Variants in RNLS observed in about 807,000 individuals in gnomAD.
RNLS encodes renalase.
RNLS carries 39 observed loss-of-function variants against 39.8 expected under a neutral mutation model. The observed-to-expected ratio is 0.98, with a 90% CI of 0.76 to 1.28. The LOEUF is 1.28. RNLS is among the 50% of genes most tolerant of loss of function. RNLS has a pLI of 0.00. For synonymous variants in RNLS, 147 were observed against 150.7 expected, an observed-to-expected ratio of 0.98 and a Z score of 0.18; for missense variants, 410 against 413.3, an observed-to-expected ratio of 0.99 and a Z score of 0.07.
intron 4 of RNLS, among the ~76,000 whole-genome samples, chr10:88,425,538 T>A (rs1282644714): frequency 6.6e-6 from 1 of 152,122 alleles, no homozygotes; most frequent in African/African-American, 2.4e-5. Context: ...CCTGGCAGTA[T>A]GTCTAAGGTG....
At chr10:88,293,066 CA>C (rs1216159700) in intron 6 of RNLS, among the ~76,000 whole-genome samples, 5 of 149,234 alleles carry the variant, frequency 3.4e-5, no homozygotes, top group Non-Finnish European at 7.5e-5. Flanking sequence ...TAACAAGAAA[CA>C]AAAAAAAAAT....
At chr10:88,487,951 G>A (rs1589880556) in intron 4 of RNLS, among the ~76,000 whole-genome samples, 1 of 152,108 alleles carries the variant, frequency 6.6e-6, no homozygotes, top group East Asian at 1.9e-4. Flanking sequence ...ATTATTGTGA[G>A]TAAAGAACTA....
At chr10:88,544,578 T>C (rs1438335761) in intron 4 of RNLS, among the ~76,000 whole-genome samples, 1 of 152,218 alleles carries the variant, frequency 6.6e-6, no homozygotes, top group African/African-American at 2.4e-5. Context: ...CACAAGAATC[T>C]TTTCCAGAGT....
intron 4 of RNLS, among the ~76,000 whole-genome samples, chr10:88,379,695 GA>G: frequency 6.6e-6 from 1 of 152,158 alleles, no homozygotes. Flanking sequence ...TTGAAACTAA[GA>G]GGGTCTGTGG....
At chr10:88,176,812 C>G in the RNLS span, among the ~76,000 whole-genome samples, 1 of 152,198 alleles carries the variant, frequency 6.6e-6, no homozygotes, top group South Asian at 2.1e-4. Flanking sequence ...TCAGAGTTTG[C>G]TTGTCTGAGA....
chr10:88,179,359 CAGGCT>C, the RNLS span, among the ~76,000 whole-genome samples: 1 of 152,142 alleles, frequency 6.6e-6, no homozygotes, highest in East Asian at 1.9e-4. Context: ...AGGAGGGTAG[CAGGCT>C]AGTTAGTAGA....
At chr10:88,463,713 T>C (rs1382824356) in intron 4 of RNLS, among the ~76,000 whole-genome samples, 1 of 152,044 alleles carries the variant, frequency 6.6e-6, no homozygotes, top group African/African-American at 2.4e-5. Flanking sequence ...AAACATATAA[T>C]AAATAATTTT....
intron 6 of RNLS, among the ~76,000 whole-genome samples, chr10:88,278,617 CACA>C (rs1242189837): frequency 6.6e-6 from 1 of 152,154 alleles, no homozygotes; most frequent in African/African-American, 2.4e-5. Flanking sequence ...CATGTGCATA[CACA>C]ACATACCAAC....
At chr10:88,178,234 G>A in the RNLS span, among the ~76,000 whole-genome samples, 1 of 152,162 alleles carries the variant, frequency 6.6e-6, no homozygotes, top group Non-Finnish European at 1.5e-5. Context: ...TAAGATGTCA[G>A]TGAGTCCCAG....
chr10:88,449,183 T>A (rs10788602), intron 4 of RNLS, among the ~76,000 whole-genome samples: 106,409 of 152,072 alleles, frequency 0.7, 38,124 homozygotes, highest in African/African-American at 0.86. Context: ...AAAAACACAA[T>A]GTTTAATTCA....
chr10:88,175,750 T>C, the RNLS span, among the ~76,000 whole-genome samples: 5 of 152,214 alleles, frequency 3.3e-5, no homozygotes, highest in African/African-American at 1.2e-4. Flanking sequence ...TAAAGGTCTG[T>C]TTGGTCCATT....
At chr10:88,481,420 T>A (rs1844163093) in intron 4 of RNLS, among the ~76,000 whole-genome samples, 1 of 152,166 alleles carries the variant, frequency 6.6e-6, no homozygotes, top group Non-Finnish European at 1.5e-5. Context: ...GTTAAGTGTA[T>A]TTTTAGTGTA....
At chr10:88,186,533 A>C in the RNLS span, among the ~76,000 whole-genome samples, 2 of 152,216 alleles carry the variant, frequency 1.3e-5, no homozygotes, top group Non-Finnish European at 1.5e-5. Context: ...TTATGGCATG[A>C]AAGTGCTTGG....
At position 88,532,460 on chromosome 10, in the gene RNLS, A is replaced by G. The variant is rs145877644; in HGVS notation, c.526+40443T>C. ...TTATGATATTGTTTCTAATGATGAA[A>G]TGTAATGAAAAGCAAAGATTGGTTC... On this transcript the variant is annotated intron_variant, in intron 4 of 6. Transcript: ENST00000331772. 3.4e-3 allele frequency among the ~76,000 whole-genome samples: 520 copies of G among 152,184 alleles called. 2 individuals are homozygous for G. The highest frequency in any genetic ancestry group is 0.027 in the Middle Eastern group (8 of 292).
At chr10:88,232,698 G>T in the RNLS span, among the ~76,000 whole-genome samples, 1 of 152,242 alleles carries the variant, frequency 6.6e-6, no homozygotes, top group African/African-American at 2.4e-5. Context: ...CCAGCCTGCT[G>T]CAAGACTGAA....
intron 4 of RNLS, among the ~76,000 whole-genome samples, chr10:88,544,814 T>G (rs1848216466): frequency 6.6e-6 from 1 of 152,160 alleles, no homozygotes; most frequent in Non-Finnish European, 1.5e-5. Flanking sequence ...ATGGCTTTGG[T>G]GGGAAATATG....
chr10:88,539,376 A>G (rs942519128), intron 4 of RNLS, among the ~76,000 whole-genome samples: 5 of 152,306 alleles, frequency 3.3e-5, no homozygotes, highest in African/African-American at 9.6e-5. Flanking sequence ...GAGAATGCAG[A>G]AAATAATAGC....
At chr10:88,234,086 G>A in the RNLS span, among the ~76,000 whole-genome samples, 2 of 148,822 alleles carry the variant, frequency 1.3e-5, no homozygotes, top group Non-Finnish European at 3.0e-5. Flanking sequence ...CCCTGCAGCA[G>A]AGGCCCCTCC....
At chr10:88,196,110 T>A in the RNLS span, among the ~76,000 whole-genome samples, 1 of 152,150 alleles carries the variant, frequency 6.6e-6, no homozygotes, top group African/African-American at 2.4e-5. Context: ...CAAATGCTAC[T>A]TTTATAGATG....
Sources: allele counts gnomAD v4.1 joint callset (sites outside exome capture counted in the v4.1 genomes callset), GRCh38; gene constraint gnomAD v4.1.1; transcripts MANE v1.5; gene names NCBI Gene and HGNC (gene_info 2026-07-23, HGNC 2026-07-21).